Variants in USP34 observed in about 807,000 individuals in gnomAD.
USP34 encodes the protein ubiquitin specific peptidase 34.
Under a neutral mutation model 460.3 loss-of-function variants are expected in USP34, and 70 were observed. The ratio of observed to expected loss-of-function variants is 0.15; its 90% CI spans 0.13 to 0.19. The LOEUF (loss-of-function observed/expected upper bound fraction) is 0.19. Among genes scored for constraint, USP34 ranks in the 10% least tolerant of loss-of-function variants. The pLI is 1.00. For missense variants in USP34, 3,985 were observed against 4,236.2 expected, an observed-to-expected ratio of 0.94 and a Z score of 1.65; for synonymous variants, 1,647 against 1,405.3, an observed-to-expected ratio of 1.17 and a Z score of -3.85.
At chr2:61,206,486 G>A (rs1294300163) in intron 71 of USP34, among the ~76,000 whole-genome samples, 3 of 152,108 alleles carry the variant, frequency 2.0e-5, no homozygotes, top group Non-Finnish European at 1.5e-5. Context: ...TTTACAAAGT[G>A]CCCAGCTTGT....
chr2:61,311,484 G>GAGAAAA, intron 27 of USP34, 56 bp downstream of exon 27: 1 of 1,502,934 alleles, frequency 6.7e-7, no homozygotes, highest in Non-Finnish European at 8.9e-7. Context: ...GAAAGAGAAA[G>GAGAAAA]AGAAAAAGAA....
At chr2:61,262,828 C>G (rs188058222) in intron 43 of USP34, among the ~76,000 whole-genome samples, 10 of 152,304 alleles carry the variant, frequency 6.6e-5, no homozygotes, top group Non-Finnish European at 1.3e-4. Flanking sequence ...CTTTTCTTTA[C>G]AACATCGCCA....
intron 41 of USP34, among the ~76,000 whole-genome samples, chr2:61,274,309 G>C (rs28421810): frequency 0.029 from 4,402 of 152,084 alleles, 219 homozygotes; most frequent in African/African-American, 0.1. Context: ...AGAATTGCTT[G>C]AACCTGGGAG....
intron 21 of USP34, among the ~76,000 whole-genome samples, chr2:61,324,489 AGTCAGCCAGGTGCAGT>A (rs1691024071): frequency 6.6e-6 from 1 of 152,192 alleles, no homozygotes; most frequent in Admixed American, 6.5e-5. Context: ...TAAAAGATGC[AGTCAGCCAGGTGCAGT>A]GACACACTGG....
Position 61,395,168 on chromosome 2 carries a change from A to G in USP34, c.603+15T>C. 6.7e-7 allele frequency: 1 copy of G among 1,494,198 alleles called. No individual in the cohort carries two copies. Among genetic ancestry groups the G allele is most frequent in the South Asian group, 1.2e-5 (1 of 80,786 alleles). The allele number at this position is 1,494,198 out of a possible 1,614,324, so 92.6% of individuals were successfully genotyped here. A position where few individuals can be genotyped will look rare whatever the true frequency, so the allele number is the denominator to read the frequency against. On this transcript the variant is annotated intron_variant, in intron 4 of 79. Coordinates refer to ENST00000398571, the MANE Select transcript of USP34 (RefSeq NM_014709.4). ...TAAAATTTTCCATAAAAGAATAAAAAAGGTAAACACTTACATTCATATCAC... is the reference window on the plus strand; with the variant it reads ...TAAAATTTTCCATAAAAGAATAAAAGAGGTAAACACTTACATTCATATCAC...
chr2:61,417,209 G>C, intron 2 of USP34: 1 of 1,538,666 alleles, frequency 6.5e-7, no homozygotes, highest in Non-Finnish European at 8.9e-7. Flanking sequence ...CACTGGGGTA[G>C]TGCAAGGTCA....
chr2:61,333,211 T>C (rs1454133484), intron 19 of USP34, among the ~76,000 whole-genome samples: 1 of 152,106 alleles, frequency 6.6e-6, no homozygotes, highest in African/African-American at 2.4e-5. Flanking sequence ...GGAAGAATTA[T>C]TGTAACATTC....
intron 27 of USP34, among the ~76,000 whole-genome samples, chr2:61,302,132 C>T (rs182046964): frequency 4.0e-5 from 6 of 151,576 alleles, no homozygotes; most frequent in Admixed American, 2.0e-4. Context: ...ACAACTTTTT[C>T]GGGAAAAAAA....
intron 15 of USP34, among the ~76,000 whole-genome samples, 158 bp downstream of exon 15, chr2:61,347,712 T>A (rs1468082230): frequency 6.6e-6 from 1 of 152,192 alleles, no homozygotes; most frequent in Non-Finnish European, 1.5e-5. Context: ...ATGTGCCCAA[T>A]AGAAAACTTG....
intron 16 of USP34, among the ~76,000 whole-genome samples, chr2:61,343,283 C>T (rs528379992): frequency 6.6e-6 from 1 of 152,248 alleles, no homozygotes; most frequent in African/African-American, 2.4e-5. Context: ...TTCCTCCATC[C>T]TCCATTCTTT....
intron 28 of USP34, 38 bp from the exon 29 acceptor site, chr2:61,301,198 C>A: frequency 1.3e-6 from 2 of 1,563,758 alleles, no homozygotes; most frequent in Non-Finnish European, 1.7e-6. Flanking sequence ...GCATATCAAG[C>A]TTTTAGTTTA....
intron 42 of USP34, 150 bp downstream of exon 42, chr2:61,265,834 G>A: frequency 1.4e-6 from 1 of 729,018 alleles, no homozygotes; most frequent in Non-Finnish European, 1.9e-6. Context: ...TCACATCAAT[G>A]TTTACTTTTT....
At chr2:61,369,958 T>G (rs536905239) in intron 10 of USP34, among the ~76,000 whole-genome samples, 12 of 148,360 alleles carry the variant, frequency 8.1e-5, no homozygotes, top group African/African-American at 2.5e-4. Flanking sequence ...TTTGGAATTT[T>G]GAATCATGTG....
chr2:61,443,655 T>C (rs982075467), intron 1 of USP34, among the ~76,000 whole-genome samples: 1 of 152,072 alleles, frequency 6.6e-6, no homozygotes, highest in Non-Finnish European at 1.5e-5. Context: ...AGATCAGCAG[T>C]TGCCAGTGAT....
intron 51 of USP34, among the ~76,000 whole-genome samples, chr2:61,244,844 G>A (rs1447812358): frequency 2.0e-5 from 3 of 151,852 alleles, no homozygotes; most frequent in African/African-American, 2.4e-5. Flanking sequence ...AGCTAAGAGA[G>A]ACTCCCTTGT....
intron 53 of USP34, among the ~76,000 whole-genome samples, chr2:61,238,353 G>GAAAACATA (rs2103850596): frequency 6.6e-6 from 1 of 152,194 alleles, no homozygotes; most frequent in African/African-American, 2.4e-5. Flanking sequence ...TGCCTGGCCC[G>GAAAACATA]AAGCATTCTT....
chr2:61,417,014 CCCA>C, intron 2 of USP34: 9 of 1,322,442 alleles, frequency 6.8e-6, no homozygotes, highest in Non-Finnish European at 9.7e-6. Flanking sequence ...TTGGTGAAGC[CCCA>C]CTTCTTCCAG....
At chr2:61,350,181 G>C in intron 12 of USP34, 79 bp downstream of exon 12, 4 of 1,414,740 alleles carry the variant, frequency 2.8e-6, no homozygotes, top group South Asian at 1.4e-5. Flanking sequence ...AGATTGAACT[G>C]AATGTATTAG....
In USP34 at chr2:61,240,844, G is replaced by C. The variant is rs188469743; in HGVS notation, c.6777+716C>G. On this transcript the variant is annotated intron_variant, in intron 53 of 79. Transcript: ENST00000398571. ...CTGTCTGAGCTTCCCAAAGTGCTGG[G>C]ATTATAGGCATGAGCCACTGCGCCT... Among the ~76,000 whole-genome samples the C allele has an allele frequency of 6.2e-4, 94 of 152,252 alleles. 1 individual carries two copies. The highest frequency in any genetic ancestry group is 7.4e-5 in the Non-Finnish European group (5 of 68,018).
Sources: gnomAD v4.1 joint callset for allele counts (sites outside exome capture counted in the v4.1 genomes callset) on GRCh38, gnomAD v4.1.1 for gene constraint, MANE v1.5 for transcripts, NCBI Gene and HGNC (gene_info 2026-07-23, HGNC 2026-07-21) for gene names.